PTPRF: variants seen among roughly 807,000 people sequenced by gnomAD.
PTPRF encodes receptor-type tyrosine-protein phosphatase F.
Under a neutral mutation model 201.8 loss-of-function variants are expected in PTPRF, and 59 were observed. The observed-to-expected ratio is 0.29, with a 90% CI of 0.24 to 0.36. The LOEUF is 0.36. PTPRF is among the 10% of genes least tolerant of loss of function. The pLI is 1.00. For missense variants in PTPRF, 2,132 were observed against 2,690.5 expected (o/e 0.79, Z 4.59); for synonymous variants, 1,088 against 1,089.7 (o/e 1.00, Z 0.03).
intron 22 of PTPRF, 146 bp downstream of exon 22, chr1:43,609,644 G>A (rs1307386623): frequency 3.2e-6 from 2 of 633,656 alleles, no homozygotes; most frequent in East Asian, 5.6e-5. Flanking sequence ...CCTTCTCCCT[G>A]TGCTCATCCA....
At chr1:43,532,979 C>T (rs543594477) in intron 1 of PTPRF, among the ~76,000 whole-genome samples, 6 of 152,328 alleles carry the variant, frequency 3.9e-5, no homozygotes, top group Admixed American at 3.3e-4. Context: ...TGCACACTCT[C>T]GCAGCATACC....
intron 5 of PTPRF, among the ~76,000 whole-genome samples, chr1:43,565,337 C>T (rs1030039942): frequency 1.4e-4 from 21 of 152,218 alleles, no homozygotes; most frequent in Non-Finnish European, 2.9e-5. Context: ...CCAAACCTCT[C>T]CACGGAAGGG....
intron 2 of PTPRF, among the ~76,000 whole-genome samples, chr1:43,544,787 CTCTT>C (rs1283176143): frequency 4.6e-5 from 7 of 152,128 alleles, no homozygotes; most frequent in African/African-American, 1.7e-4. Context: ...GCCTCCTGCG[CTCTT>C]TCTCCCTCCA....
At position 43,606,235 on chromosome 1, in the gene PTPRF, G is replaced by A; in HGVS notation, c.3484-5G>A. 1 of 1,610,926 alleles carries A rather than the reference G, an allele frequency of 6.2e-7. No individual in the cohort carries two copies. The highest frequency in any genetic ancestry group is 8.5e-7 in the Non-Finnish European group (1 of 1,179,150). On this transcript the variant is annotated splice_polypyrimidine_tract_variant and splice_region_variant and intron_variant, in intron 19 of 33. Transcript: ENST00000359947. The stretch of plus-strand genomic sequence containing the variant: ...CCTCATGACCCCCATGCTCTGCTCT[G>A]CCAGCTTCTAGAAGCCATCGAGCAA...
At chr1:43,552,392 G>A (rs1645094043) in intron 3 of PTPRF, among the ~76,000 whole-genome samples, 1 of 152,202 alleles carries the variant, frequency 6.6e-6, no homozygotes. Context: ...TTGGACAAGT[G>A]ACTTGACCCC....
intron 8 of PTPRF, among the ~76,000 whole-genome samples, chr1:43,590,667 C>T (rs1254176709): frequency 1.3e-5 from 2 of 152,226 alleles, no homozygotes; most frequent in Admixed American, 6.5e-5. Context: ...GTCACATCAC[C>T]TCCAGGTCTG....
At chr1:43,613,474 ATGTGC>A in intron 22 of PTPRF, 139 bp from the exon 23 acceptor site, 1 of 718,724 alleles carries the variant, frequency 1.4e-6, no homozygotes. Flanking sequence ...CTGTCGCCGC[ATGTGC>A]TGCTGTCTCC....
At chr1:43,563,720 G>T (rs1645967743) in intron 5 of PTPRF, among the ~76,000 whole-genome samples, 1 of 152,244 alleles carries the variant, frequency 6.6e-6, no homozygotes, top group Admixed American at 6.5e-5. Flanking sequence ...GGAGACAGCA[G>T]GGCTGAGAAG....
chr1:43,565,928 C>T (rs1361715887), intron 5 of PTPRF, among the ~76,000 whole-genome samples: 1 of 152,186 alleles, frequency 6.6e-6, no homozygotes, highest in Non-Finnish European at 1.5e-5. Flanking sequence ...TGGCCTGGAG[C>T]GGGGAGGGGC....
intron 2 of PTPRF, among the ~76,000 whole-genome samples, chr1:43,540,974 G>T (rs557576687): frequency 1.3e-5 from 2 of 152,268 alleles, no homozygotes; most frequent in Non-Finnish European, 1.5e-5. Context: ...AGTGCCACGC[G>T]GTGAACTGTC....
chr1:43,622,032 C>T lies in PTPRF; in HGVS notation c.*29C>T, dbSNP rs373367448. On this transcript the variant is annotated 3_prime_UTR_variant, in exon 34 of 34. Transcript: ENST00000359947. ...CCGCTCCCCTCTCCTCCGCCACCCC[C>T]GCCGTGGGGCTCCGGAGGGGACCCA... The T allele has an allele frequency of 4.1e-4, 659 of 1,609,572 alleles. No homozygotes were observed. Among genetic ancestry groups the T allele is most frequent in the Non-Finnish European group, 5.3e-4 (624 of 1,176,148 alleles).
intron 6 of PTPRF, among the ~76,000 whole-genome samples, chr1:43,573,511 G>T (rs1185633632): frequency 6.6e-6 from 1 of 152,226 alleles, no homozygotes; most frequent in African/African-American, 2.4e-5. Context: ...GACGCAGAGG[G>T]CTTGCAGCCC....
chr1:43,605,033 A>G lies in PTPRF; in HGVS notation c.3135+33A>G, dbSNP rs967898895. On this transcript the variant is annotated intron_variant, in intron 17 of 33. Coordinates refer to ENST00000359947, the MANE Select transcript of PTPRF (RefSeq NM_002840.5). ...AGGGCCACGGCCAGCTGAGCCTGGC[A>G]CACACACAGGCCTGCTGGGTGCTGT... 9.4e-6 allele frequency: 15 copies of G among 1,601,736 alleles called. No homozygotes were observed. The East Asian group carries it at 2.9e-4, about 31-fold the overall frequency.
chr1:43,591,972 T>A, intron 10 of PTPRF, 24 bp downstream of exon 10: 1 of 1,611,724 alleles, frequency 6.2e-7, no homozygotes. Context: ...AGAGAAGCAC[T>A]GAGGGGGTCT....
intron 7 of PTPRF, chr1:43,583,004 G>A (rs1047915723): frequency 1.1e-6 from 1 of 928,798 alleles, no homozygotes; most frequent in South Asian, 5.0e-5. Flanking sequence ...TACTCTCTCT[G>A]TGTTTCTCCT....
intron 6 of PTPRF, among the ~76,000 whole-genome samples, chr1:43,573,569 A>G (rs1570154519): frequency 6.6e-6 from 1 of 151,978 alleles, no homozygotes; most frequent in Non-Finnish European, 1.5e-5. Context: ...GCCTGTCCCC[A>G]CCCCACTCTG....
rs1225166734 is a variant in PTPRF at position 43,606,228 on chromosome 1, C to G, written c.3484-12C>G. 6 of 1,609,068 alleles carry G rather than the reference C, an allele frequency of 3.7e-6. No individual in the cohort carries two copies. Among genetic ancestry groups the G allele is most frequent in the Non-Finnish European group, 5.1e-6 (6 of 1,178,424 alleles). ...CAAGGCCCCTCATGACCCCCATGCT[C>G]TGCTCTGCCAGCTTCTAGAAGCCAT... On this transcript the variant is annotated splice_polypyrimidine_tract_variant and intron_variant, in intron 19 of 33. Coordinates refer to ENST00000359947, the MANE Select transcript of PTPRF (RefSeq NM_002840.5).
intron 6 of PTPRF, among the ~76,000 whole-genome samples, chr1:43,576,674 T>G (rs1430776324): frequency 6.6e-6 from 1 of 152,236 alleles, no homozygotes; most frequent in African/African-American, 2.4e-5. Context: ...GAAGTGTATT[T>G]CCTCTTTAAA....
chr1:43,522,921 C>T (rs1217698865), upstream of PTPRF, among the ~76,000 whole-genome samples: 1 of 152,150 alleles, frequency 6.6e-6, no homozygotes, highest in Non-Finnish European at 1.5e-5. Flanking sequence ...AGTGACATAA[C>T]CCCATTTGCG....
Sources: allele counts gnomAD v4.1 joint callset (sites outside exome capture counted in the v4.1 genomes callset), GRCh38; gene constraint gnomAD v4.1.1; transcripts MANE v1.5; gene names NCBI Gene and HGNC (gene_info 2026-07-23, HGNC 2026-07-21).